DNAH7: variants seen among roughly 807,000 people sequenced by gnomAD.
DNAH7 encodes axonemal beta dynein heavy chain 7.
Under a neutral mutation model 444.6 loss-of-function variants are expected in DNAH7, and 397 were observed. The observed-to-expected ratio is 0.89, with a 90% CI of 0.82 to 0.97. The LOEUF (loss-of-function observed/expected upper bound fraction) is 0.97. Among genes scored for constraint, DNAH7 ranks in the 50% least tolerant of loss-of-function variants. The probability of loss-of-function intolerance (pLI) is 0.00; values close to 1 mark genes in which losing one functional copy is unlikely to be tolerated. For missense variants in DNAH7, 4,902 were observed against 4,800.8 expected, an observed-to-expected ratio of 1.02 and a Z score of -0.62; for synonymous variants, 1,636 against 1,624.4, an observed-to-expected ratio of 1.01 and a Z score of -0.17.
At chr2:196,050,686 C>A (rs1006743231) in intron 3 of DNAH7, among the ~76,000 whole-genome samples, 1 of 152,130 alleles carries the variant, frequency 6.6e-6, no homozygotes, top group African/African-American at 2.4e-5. Flanking sequence ...TGTCTATTAA[C>A]TGCCTCTTCC....
intron 17 of DNAH7, among the ~76,000 whole-genome samples, chr2:195,966,231 T>C (rs1236689204): frequency 1.3e-5 from 2 of 152,202 alleles, no homozygotes; most frequent in African/African-American, 2.4e-5. Flanking sequence ...CAGGAGCACA[T>C]TGCTTAATTC....
intron 63 of DNAH7, among the ~76,000 whole-genome samples, chr2:195,744,632 G>A (rs191840493): frequency 3.9e-4 from 60 of 152,232 alleles, no homozygotes; most frequent in Non-Finnish European, 6.9e-4. Context: ...CACCTCACAC[G>A]GCCGGGTACT....
intron 27 of DNAH7, chr2:195,904,924 A>C (rs1686922996): frequency 6.6e-6 from 1 of 152,172 alleles, no homozygotes; most frequent in South Asian, 2.1e-4. Flanking sequence ...CTTGTTAGGT[A>C]ATTGGTATTT....
chr2:196,058,675 G>A (rs1033031539), intron 1 of DNAH7, among the ~76,000 whole-genome samples: 2 of 151,990 alleles, frequency 1.3e-5, no homozygotes, highest in African/African-American at 2.4e-5. Flanking sequence ...AAACATTATT[G>A]AAAAAAATTA....
chr2:195,777,998 G>A lies in DNAH7; in HGVS notation c.10879-13C>T, dbSNP rs369294939. Reference sequence around the variant, plus strand: ...CATACGGCAGTTCCTAAAATAGTGCGTGTCAGTCAACCAGTTATCAGTAGC... The same window carrying A: ...CATACGGCAGTTCCTAAAATAGTGCATGTCAGTCAACCAGTTATCAGTAGC... On this transcript the variant is annotated splice_polypyrimidine_tract_variant and intron_variant, in intron 58 of 64. Coordinates refer to ENST00000312428, the MANE Select transcript of DNAH7 (RefSeq NM_018897.3). The A allele has an allele frequency of 9.5e-6, 15 of 1,581,614 alleles. No homozygotes were observed. Among genetic ancestry groups the A allele is most frequent in the African/African-American group, 9.4e-5 (7 of 74,212 alleles).
At position 195,771,700 on chromosome 2, in the gene DNAH7, G is replaced by A. The variant is rs1694848950; in HGVS notation, c.11393C>T (p.Thr3798Ile). Residue 3798 changes from threonine to isoleucine, a missense_variant, in exon 61 of 65, where the codon ACC becomes ATC. By Grantham distance (89) the Thr-to-Ile change is moderately conservative (BLOSUM62 -1). Transcript: ENST00000312428. ...AATATTTACGCACGAATCTCTTATG[G>A]TCTTCAGTAACTTATTGAACCGTCC... ...EMGRFNKLLK[T>I]IRDSCVNIQK... 6.2e-6 allele frequency: 10 copies of A among 1,613,970 alleles called. No individual in the cohort carries two copies. The highest frequency in any genetic ancestry group is 8.5e-6 in the Non-Finnish European group (10 of 1,179,958).
At chr2:195,744,021 G>A (rs13002865) in intron 63 of DNAH7, among the ~76,000 whole-genome samples, 68,397 of 152,118 alleles carry the variant, frequency 0.45, 16,688 homozygotes, top group Non-Finnish European at 0.57. Flanking sequence ...GCAGGACAGT[G>A]GGTGCAGCGC....
chr2:195,800,792 T>C (rs1696410091), intron 54 of DNAH7, among the ~76,000 whole-genome samples: 1 of 152,094 alleles, frequency 6.6e-6, no homozygotes, highest in South Asian at 2.1e-4. Flanking sequence ...TTGATACCTA[T>C]TTTTACTCAT....
At chr2:195,957,590 T>C (rs759567584) in intron 18 of DNAH7, 143 bp from the exon 19 acceptor site, 59 of 426,908 alleles carry the variant, frequency 1.4e-4, no homozygotes, top group Non-Finnish European at 2.2e-4. Context: ...TTGTATATAA[T>C]GTTATACAAT....
intron 18 of DNAH7, among the ~76,000 whole-genome samples, chr2:195,959,667 G>C (rs1383413785): frequency 6.6e-6 from 1 of 152,114 alleles, no homozygotes; most frequent in Non-Finnish European, 1.5e-5. Context: ...GTAATATATA[G>C]CCTGCCTAAT....
chr2:195,904,179 C>G (rs1250353182), intron 27 of DNAH7: 1 of 152,154 alleles, frequency 6.6e-6, no homozygotes, highest in Non-Finnish European at 1.5e-5. Flanking sequence ...TAGACTCCTC[C>G]TAATGGGAGA....
At chr2:195,907,535 T>C (rs1309702807) in intron 25 of DNAH7, among the ~76,000 whole-genome samples, 1 of 152,176 alleles carries the variant, frequency 6.6e-6, no homozygotes, top group East Asian at 1.9e-4. Flanking sequence ...TAGTTTCATC[T>C]GAATTCAGAT....
Position 195,886,106 on chromosome 2 carries a change from T to C in DNAH7, c.5538+35A>G, listed in dbSNP as rs759763732. On this transcript the variant is annotated intron_variant, in intron 34 of 64. Coordinates refer to ENST00000312428, the MANE Select transcript of DNAH7 (RefSeq NM_018897.3). ...TGGGGAAAGCAGTAGATACCTGTCTTTCTGTAGCAGGATACAGAAGGCAAC... is the reference window on the plus strand; with the variant it reads ...TGGGGAAAGCAGTAGATACCTGTCTCTCTGTAGCAGGATACAGAAGGCAAC... 4 of 1,590,220 alleles carry C rather than the reference T, an allele frequency of 2.5e-6. No individual in the cohort carries two copies. The East Asian group carries it at 9.1e-5, about 36-fold the overall frequency.
At chr2:195,933,952 G>T (rs1269450869) in intron 21 of DNAH7, among the ~76,000 whole-genome samples, 1 of 151,772 alleles carries the variant, frequency 6.6e-6, no homozygotes, top group African/African-American at 2.4e-5. Context: ...ACTCCCTTCT[G>T]TTCCTTTGCT....
At chr2:196,028,129 C>G (rs1695806956) in intron 5 of DNAH7, 82 bp from the exon 6 acceptor site, 5 of 1,044,156 alleles carry the variant, frequency 4.8e-6, no homozygotes, top group Admixed American at 4.8e-5. Context: ...AACACCAGGA[C>G]TATTTTCTAT....
chr2:195,958,946 A>C lies in DNAH7; in HGVS notation c.2891+1314T>G, dbSNP rs556155305. Among the ~76,000 whole-genome samples, 7 of 152,306 alleles carry C rather than the reference A, an allele frequency of 4.6e-5. No individual in the cohort carries two copies. In the South Asian group the frequency reaches 1.4e-3, roughly 32 times the overall value. On this transcript the variant is annotated intron_variant, in intron 18 of 64. Transcript: ENST00000312428. Reference sequence around the variant, plus strand: ...CTGCTATCAGAGATAACATAGTCATAAGGAAGAATGATTTATTAATAGCAA... The same window carrying C: ...CTGCTATCAGAGATAACATAGTCATCAGGAAGAATGATTTATTAATAGCAA...
chr2:195,752,764 TAAAA>T (rs1693864021), intron 63 of DNAH7, among the ~76,000 whole-genome samples: 1 of 152,068 alleles, frequency 6.6e-6, no homozygotes, highest in African/African-American at 2.4e-5. Flanking sequence ...TGGCAACTGG[TAAAA>T]ATCACTAAGA....
intron 44 of DNAH7, 84 bp from the exon 45 acceptor site, chr2:195,856,075 C>A: frequency 8.1e-7 from 1 of 1,239,644 alleles, no homozygotes; most frequent in Non-Finnish European, 1.1e-6. Context: ...TTCTAATACC[C>A]TTACTATAAC....
intron 61 of DNAH7, among the ~76,000 whole-genome samples, chr2:195,769,044 T>C (rs933028797): frequency 6.6e-6 from 1 of 152,158 alleles, no homozygotes; most frequent in African/African-American, 2.4e-5. Context: ...ATTGCTACAT[T>C]GGTCACAGAT....
Sources: gnomAD v4.1 joint callset for allele counts (sites outside exome capture counted in the v4.1 genomes callset) on GRCh38, gnomAD v4.1.1 for gene constraint, MANE v1.5 for transcripts, NCBI Gene and HGNC (gene_info 2026-07-23, HGNC 2026-07-21) for gene names.